Variants in EPHB2 observed in about 807,000 individuals in gnomAD.
The protein encoded by EPHB2 is EPH receptor B2.
In EPHB2, 18 loss-of-function variants were observed where a neutral mutation model predicts 96.4. The observed-to-expected ratio is 0.19, with a 90% CI of 0.13 to 0.28. EPHB2 has a LOEUF of 0.28. Among genes scored for constraint, EPHB2 ranks in the 10% least tolerant of loss-of-function variants. The pLI, the probability that EPHB2 is intolerant of heterozygous loss-of-function variation, is 1.00. For synonymous variants in EPHB2, 506 were observed against 534.1 expected, an observed-to-expected ratio of 0.95 and a Z score of 0.72; for missense variants, 989 against 1,355.4, an observed-to-expected ratio of 0.73 and a Z score of 4.25.
intron 1 of EPHB2, among the ~76,000 whole-genome samples, chr1:22,721,090 T>G (rs1557635147): frequency 6.6e-6 from 1 of 152,192 alleles, no homozygotes; most frequent in South Asian, 2.1e-4. Flanking sequence ...TGACTGGTTG[T>G]CACTCCCACC....
At chr1:22,868,274 C>T (rs990503802) in intron 5 of EPHB2, among the ~76,000 whole-genome samples, 10 of 152,004 alleles carry the variant, frequency 6.6e-5, no homozygotes, top group East Asian at 1.9e-4. Context: ...CCCTCAGGAT[C>T]GAAAGACAGA....
chr1:22,797,084 G>T (rs1183286530), intron 3 of EPHB2, among the ~76,000 whole-genome samples: 2 of 152,164 alleles, frequency 1.3e-5, no homozygotes, highest in Non-Finnish European at 2.9e-5. Flanking sequence ...TTCAGATGAG[G>T]AAATCTTAGC....
chr1:22,848,985 G>T (rs1178895873), intron 3 of EPHB2, among the ~76,000 whole-genome samples: 8 of 152,070 alleles, frequency 5.3e-5, no homozygotes, highest in Admixed American at 4.6e-4. Flanking sequence ...TACAATGGGG[G>T]TGACAAATCT....
At chr1:22,911,358 C>T (rs1640098853) in intron 14 of EPHB2, among the ~76,000 whole-genome samples, 1 of 152,108 alleles carries the variant, frequency 6.6e-6, no homozygotes, top group African/African-American at 2.4e-5. Flanking sequence ...TAGGCACAAA[C>T]ACTCATGCCT....
chr1:22,812,315 G>T (rs889490358), intron 3 of EPHB2, among the ~76,000 whole-genome samples: 11 of 152,250 alleles, frequency 7.2e-5, no homozygotes, highest in African/African-American at 2.7e-4. Flanking sequence ...GGCGCACCTT[G>T]GGCCCACCTG....
At chr1:22,788,567 C>T (rs1002204718) in intron 3 of EPHB2, among the ~76,000 whole-genome samples, 5 of 152,168 alleles carry the variant, frequency 3.3e-5, no homozygotes, top group Non-Finnish European at 7.3e-5. Flanking sequence ...TGGCCAAGTG[C>T]TTTCTCGTCC....
At chr1:22,853,030 C>A (rs1264598764) in intron 3 of EPHB2, among the ~76,000 whole-genome samples, 1 of 152,232 alleles carries the variant, frequency 6.6e-6, no homozygotes, top group Non-Finnish European at 1.5e-5. Context: ...CCAGTCCACA[C>A]ACAAGTTGAA....
intron 1 of EPHB2, among the ~76,000 whole-genome samples, chr1:22,750,357 T>A (rs1570206832): frequency 6.6e-6 from 1 of 152,298 alleles, no homozygotes; most frequent in African/African-American, 2.4e-5. Flanking sequence ...GACCCTTCTG[T>A]GGCATCAGAG....
intron 3 of EPHB2, among the ~76,000 whole-genome samples, chr1:22,842,319 C>T (rs189541519): frequency 1.2e-3 from 181 of 152,280 alleles, no homozygotes; most frequent in Non-Finnish European, 2.4e-3. Context: ...TATTCCTTTG[C>T]AGAAGGATAA....
intron 5 of EPHB2, among the ~76,000 whole-genome samples, chr1:22,867,594 G>A (rs1033881066): frequency 2.6e-5 from 4 of 152,282 alleles, no homozygotes; most frequent in African/African-American, 7.2e-5. Flanking sequence ...AAAACCAGCC[G>A]GTCACAGTGG....
At chr1:22,720,447 T>A (rs568282460) in intron 1 of EPHB2, among the ~76,000 whole-genome samples, 127 of 152,278 alleles carry the variant, frequency 8.3e-4, no homozygotes, top group Non-Finnish European at 1.5e-3. Flanking sequence ...CAGAGTTCAG[T>A]GCCCGCCCCT....
intron 3 of EPHB2, among the ~76,000 whole-genome samples, chr1:22,825,856 A>G (rs1645215319): frequency 6.6e-6 from 1 of 152,188 alleles, no homozygotes; most frequent in Admixed American, 6.5e-5. Flanking sequence ...ATCTGCCAAG[A>G]GAGTTAGACA....
Position 22,858,996 on chromosome 1 carries a change from G to A in EPHB2, c.812-4041G>A, listed in dbSNP as rs189298830. 2.6e-4 allele frequency among the ~76,000 whole-genome samples: 39 copies of A among 152,246 alleles called. No homozygotes were observed. The highest frequency in any genetic ancestry group is 2.2e-4 in the Non-Finnish European group (15 of 68,024). ...GCACTGTATACAAAAAAATTAGCCC[G>A]GCGTGGTGGTGCATGCCTGTAATCC... On this transcript the variant is annotated intron_variant, in intron 3 of 15. Transcript: ENST00000374630. The surrounding 1 kb of genome is among the most constrained non-coding windows in gnomAD (Gnocchi z 7.7).
At chr1:22,782,536 C>G (rs1484267118) in intron 2 of EPHB2, among the ~76,000 whole-genome samples, 3 of 151,944 alleles carry the variant, frequency 2.0e-5, no homozygotes, top group Non-Finnish European at 2.9e-5. Flanking sequence ...TTTCTTGTCA[C>G]CAATTTTCCA....
At chr1:22,897,070 C>T (rs1436037225) in intron 9 of EPHB2, among the ~76,000 whole-genome samples, 1 of 152,216 alleles carries the variant, frequency 6.6e-6, no homozygotes, top group Non-Finnish European at 1.5e-5. Flanking sequence ...CCCTGTTCTT[C>T]CCCAGTGACT....
intron 6 of EPHB2, among the ~76,000 whole-genome samples, chr1:22,890,764 G>C (rs576865910): frequency 2.0e-5 from 3 of 152,254 alleles, no homozygotes; most frequent in African/African-American, 7.2e-5. Flanking sequence ...TAGTGAGTGA[G>C]TTTGCACAAG....
At chr1:22,895,344 G>A (rs2148570121) in intron 7 of EPHB2, 128 bp from the exon 8 acceptor site, 1 of 816,464 alleles carries the variant, frequency 1.2e-6, no homozygotes, top group African/African-American at 1.7e-5. Context: ...TGTAACAGGT[G>A]CTCTGTCAGG....
chr1:22,829,774 A>G (rs1261727475), intron 3 of EPHB2, among the ~76,000 whole-genome samples: 1 of 152,146 alleles, frequency 6.6e-6, no homozygotes, highest in East Asian at 1.9e-4. Context: ...GCTGGGTCTC[A>G]GACTAGGCAG....
chr1:22,715,587 A>G (rs1437803074), intron 1 of EPHB2, among the ~76,000 whole-genome samples: 1 of 152,238 alleles, frequency 6.6e-6, no homozygotes, highest in Non-Finnish European at 1.5e-5. Context: ...TATTTGTCTT[A>G]GCCAGGAAAT....
Sources: gnomAD v4.1 joint callset for allele counts (sites outside exome capture counted in the v4.1 genomes callset) on GRCh38, gnomAD v4.1.1 for gene constraint, Gnocchi (gnomAD v3.1) non-coding constraint, MANE v1.5 for transcripts, NCBI Gene and HGNC (gene_info 2026-07-23, HGNC 2026-07-21) for gene names.